Variants in EYS observed in about 807,000 individuals in gnomAD.
The protein encoded by EYS is protein eyes shut homolog.
In EYS, 250 loss-of-function variants were observed where a neutral mutation model predicts 282.1. That is an observed-to-expected ratio of 0.89 (90% CI 0.80 to 0.98). EYS has a LOEUF of 0.98. Ranked by LOEUF, EYS falls within the 50% of genes least tolerant of loss-of-function variation. The pLI, the probability that EYS is intolerant of heterozygous loss-of-function variation, is 0.00. For synonymous variants in EYS, 1,355 were observed against 1,282.9 expected, an observed-to-expected ratio of 1.06 and a Z score of -1.20; for missense variants, 4,016 against 3,709.0, an observed-to-expected ratio of 1.08 and a Z score of -2.15.
intron 1 of EYS, among the ~76,000 whole-genome samples, chr6:65,675,202 A>C (rs771931590): frequency 2.0e-5 from 3 of 151,144 alleles, no homozygotes; most frequent in Non-Finnish European, 3.0e-5. Context: ...GAGGAACAAG[A>C]AAAGCTACAA....
rs59923804 is a variant in EYS, at chr6:65,091,452, G to GAAATAAATAAATAAAT, written c.2024-33741_2024-33726dup. 8.0e-3 allele frequency among the ~76,000 whole-genome samples: 1,154 copies of GAAATAAATAAATAAAT among 144,216 alleles called. 13 individuals are homozygous for GAAATAAATAAATAAAT. The highest frequency in any genetic ancestry group is 0.012 in the African/African-American group (445 of 38,652). The allele number at this position is 144,216 out of a possible 152,430, so 94.6% of individuals were successfully genotyped here. On this transcript the variant is annotated intron_variant, in intron 12 of 42. Coordinates refer to ENST00000503581, the MANE Select transcript of EYS (RefSeq NM_001142800.2). ...GTGAGAGAGCGAGACTACATCTCAAGAAATAAATAAATAAATAAATAAATA... is the reference window on the plus strand; with the variant it reads ...GTGAGAGAGCGAGACTACATCTCAAGAAATAAATAAATAAATAAATAAATAAATAAATAAATAAATA...
At chr6:65,229,106 A>C (rs1766703158) in intron 12 of EYS, among the ~76,000 whole-genome samples, 1 of 152,004 alleles carries the variant, frequency 6.6e-6, no homozygotes, top group African/African-American at 2.4e-5. Context: ...AAAAACCAAG[A>C]CAACACAATT....
intron 29 of EYS, among the ~76,000 whole-genome samples, chr6:64,371,127 T>A (rs1477507289): frequency 6.6e-6 from 1 of 152,120 alleles, no homozygotes; most frequent in Non-Finnish European, 1.5e-5. Flanking sequence ...TTTGAGATCT[T>A]CCTAACTTTT....
intron 2 of EYS, among the ~76,000 whole-genome samples, chr6:65,607,033 T>C (rs1436973669): frequency 6.6e-6 from 1 of 151,876 alleles, no homozygotes; most frequent in East Asian, 1.9e-4. Context: ...TTATGAAAAC[T>C]GAATAACTAA....
chr6:64,098,760 C>T (rs1377270928), intron 31 of EYS, among the ~76,000 whole-genome samples: 1 of 151,880 alleles, frequency 6.6e-6, no homozygotes, highest in Non-Finnish European at 1.5e-5. Flanking sequence ...GCCACCACGC[C>T]CAGCTAATTT....
intron 2 of EYS, among the ~76,000 whole-genome samples, chr6:65,514,421 C>T (rs1767037039): frequency 6.6e-6 from 1 of 152,118 alleles, no homozygotes; most frequent in Non-Finnish European, 1.5e-5. Flanking sequence ...ACTTTTTTCA[C>T]AGAATTGGAA....
chr6:64,169,059 G>A (rs1018115356), intron 31 of EYS, among the ~76,000 whole-genome samples: 2 of 152,176 alleles, frequency 1.3e-5, no homozygotes, highest in Admixed American at 6.5e-5. Flanking sequence ...AATTTATTTT[G>A]ATGTTGTGTA....
At chr6:65,639,162 A>T (rs1205010184) in intron 2 of EYS, among the ~76,000 whole-genome samples, 1 of 152,182 alleles carries the variant, frequency 6.6e-6, no homozygotes, top group Non-Finnish European at 1.5e-5. Flanking sequence ...ATAATAAAAT[A>T]CAGAGAACAA....
chr6:64,128,096 G>A (rs117607716), intron 31 of EYS, among the ~76,000 whole-genome samples: 2 of 152,076 alleles, frequency 1.3e-5, no homozygotes, highest in Non-Finnish European at 2.9e-5. Flanking sequence ...GACATCTAAA[G>A]AGCTTCATAA....
At chr6:64,118,854 A>C (rs1433573850) in intron 31 of EYS, among the ~76,000 whole-genome samples, 2 of 151,724 alleles carry the variant, frequency 1.3e-5, no homozygotes, top group Admixed American at 1.3e-4. Context: ...AAAAAGAAAA[A>C]CAGATAATAA....
chr6:65,118,552 C>T (rs953350502), intron 12 of EYS, among the ~76,000 whole-genome samples: 1 of 152,150 alleles, frequency 6.6e-6, no homozygotes, highest in African/African-American at 2.4e-5. Context: ...GCTCGTCAAG[C>T]TGGCTGGATA....
intron 14 of EYS, among the ~76,000 whole-genome samples, chr6:64,970,545 AAGTGTTATG>A (rs1184126145): frequency 6.6e-6 from 1 of 152,144 alleles, no homozygotes; most frequent in East Asian, 1.9e-4. Context: ...CAGTGATCCC[AAGTGTTATG>A]AGTAGCCACT....
intron 12 of EYS, among the ~76,000 whole-genome samples, chr6:65,072,868 T>C (rs950221876): frequency 2.0e-5 from 3 of 150,790 alleles, no homozygotes; most frequent in African/African-American, 4.9e-5. Flanking sequence ...TTGAGAGAAA[T>C]AGGCAAATAT....
chr6:64,809,364 T>C (rs1170746989), intron 22 of EYS, among the ~76,000 whole-genome samples: 8 of 151,518 alleles, frequency 5.3e-5, no homozygotes, highest in Non-Finnish European at 1.5e-5. Flanking sequence ...ACATTTACGA[T>C]GAAAGAAAAT....
chr6:65,424,296 T>C (rs750682289), intron 5 of EYS, among the ~76,000 whole-genome samples: 27 of 151,958 alleles, frequency 1.8e-4, no homozygotes, highest in Non-Finnish European at 3.7e-4. Flanking sequence ...CATATAACCT[T>C]GCTCTTAAGA....
At chr6:63,948,664 TA>T (rs1367493369) in intron 35 of EYS, among the ~76,000 whole-genome samples, 1 of 152,120 alleles carries the variant, frequency 6.6e-6, no homozygotes, top group Non-Finnish European at 1.5e-5. Context: ...TTTTTTTTTC[TA>T]AAAAATACTA....
At chr6:64,372,966 T>A (rs113272847) in intron 29 of EYS, among the ~76,000 whole-genome samples, 2,945 of 152,316 alleles carry the variant, frequency 0.019, 79 homozygotes, top group African/African-American at 0.059. Flanking sequence ...GCTCCTATAC[T>A]GTTTTATTGT....
At chr6:65,451,326 C>A (rs1278639380) in intron 5 of EYS, among the ~76,000 whole-genome samples, 4 of 152,006 alleles carry the variant, frequency 2.6e-5, no homozygotes, top group Admixed American at 2.0e-4. Context: ...TTTATTTACA[C>A]CCCTCACACA....
chr6:63,891,469 G>A (rs947583191), intron 35 of EYS, among the ~76,000 whole-genome samples: 2 of 151,928 alleles, frequency 1.3e-5, no homozygotes, highest in African/African-American at 2.4e-5. Flanking sequence ...CACATAAACA[G>A]AACCAATGAA....
Sources: allele counts gnomAD v4.1 joint callset (sites outside exome capture counted in the v4.1 genomes callset), GRCh38; gene constraint gnomAD v4.1.1; transcripts MANE v1.5; gene names NCBI Gene and HGNC (gene_info 2026-07-23, HGNC 2026-07-21).